SLC41A3: variants seen among roughly 807,000 people sequenced by gnomAD.
The protein encoded by SLC41A3 is SLC41A1-like 2.
Under a neutral mutation model 45.4 loss-of-function variants are expected in SLC41A3, and 44 were observed. The observed-to-expected ratio is 0.97, with a 90% CI of 0.76 to 1.25. SLC41A3 has a LOEUF of 1.25. Among genes scored for constraint, SLC41A3 ranks in the 50% most tolerant of loss-of-function variants. The probability of loss-of-function intolerance (pLI) is 0.00; values close to 1 mark genes in which losing one functional copy is unlikely to be tolerated. For synonymous variants in SLC41A3, 256 were observed against 252.4 expected (o/e 1.01, Z -0.13); for missense variants, 550 against 600.6 (o/e 0.92, Z 0.88).
At chr3:126,041,276 G>C (rs2107816064) in intron 3 of SLC41A3, among the ~76,000 whole-genome samples, 1 of 151,126 alleles carries the variant, frequency 6.6e-6, no homozygotes, top group Non-Finnish European at 1.5e-5. Flanking sequence ...TGGAGGGGGG[G>C]TGGGGGAATG....
chr3:126,076,315 C>T (rs1944877696), intron 1 of SLC41A3, among the ~76,000 whole-genome samples: 1 of 152,172 alleles, frequency 6.6e-6, no homozygotes, highest in African/African-American at 2.4e-5. Flanking sequence ...AAGCTTCATC[C>T]ATGTTGTTAC....
At chr3:126,065,529 T>C (rs1308041478) in intron 2 of SLC41A3, among the ~76,000 whole-genome samples, 1 of 152,156 alleles carries the variant, frequency 6.6e-6, no homozygotes, top group Non-Finnish European at 1.5e-5. Context: ...ATATATGCAA[T>C]GAAAAGAAAG....
Position 126,051,013 on chromosome 3 carries a change from G to T in SLC41A3, c.311C>A (p.Thr104Lys). 6.2e-7 allele frequency: 1 copy of T among 1,612,172 alleles called. No homozygotes were observed. Among genetic ancestry groups the T allele is most frequent in the Non-Finnish European group, 8.5e-7 (1 of 1,179,090 alleles). ...CAGGCCCACCAGGGGCGGCACCAATGTCAAAAGGTCTTTCACCTCCACAAA... is the reference window on the plus strand; with the variant it reads ...CAGGCCCACCAGGGGCGGCACCAATTTCAAAAGGTCTTTCACCTCCACAAA... ...PVFVEVKDLL[T>K]LVPPLVGLKG... Residue 104 changes from threonine to lysine, a missense_variant, in exon 3 of 11, where the codon ACA becomes AAA. By Grantham distance (78) the Thr-to-Lys change is moderately conservative. Transcript: ENST00000360370.
At chr3:126,101,247 G>A (rs945733493) in intron 1 of SLC41A3, among the ~76,000 whole-genome samples, 3 of 152,244 alleles carry the variant, frequency 2.0e-5, no homozygotes, top group African/African-American at 7.2e-5. Flanking sequence ...CAGATCATTT[G>A]CAGCCAGATC....
At chr3:126,055,381 G>A (rs949613555) in intron 2 of SLC41A3, among the ~76,000 whole-genome samples, 1 of 152,060 alleles carries the variant, frequency 6.6e-6, no homozygotes, top group Non-Finnish European at 1.5e-5. Flanking sequence ...TGGGCCTGGT[G>A]GCGGGCACCT....
chr3:126,050,851 C>T (rs1559858546), intron 3 of SLC41A3, 92 bp downstream of exon 3: 2 of 1,467,464 alleles, frequency 1.4e-6, no homozygotes, highest in Admixed American at 2.4e-5. Context: ...TTGGAGAATC[C>T]AACCCACCGC....
upstream of SLC41A3, among the ~76,000 whole-genome samples, chr3:126,086,426 T>G (rs867694125): frequency 0.054 from 7,759 of 143,358 alleles, 447 homozygotes; most frequent in Non-Finnish European, 0.073. Context: ...TTTTTTTTTT[T>G]TTTTTTTTTT....
intron 1 of SLC41A3, among the ~76,000 whole-genome samples, chr3:126,090,094 T>TTC (rs1347141167): frequency 6.6e-6 from 1 of 151,756 alleles, no homozygotes; most frequent in African/African-American, 2.4e-5. Flanking sequence ...AAATGTACCT[T>TTC]TCTCTCTAAG....
At chr3:126,082,696 A>C (rs1212412311) in intron 1 of SLC41A3, among the ~76,000 whole-genome samples, 1 of 152,180 alleles carries the variant, frequency 6.6e-6, no homozygotes, top group Non-Finnish European at 1.5e-5. Context: ...TTGGCCTTGG[A>C]CCCAGGCCTC....
rs1941966173 is a variant in SLC41A3, at chr3:126,033,596, T to G, written c.453+11A>C. 6.2e-7 allele frequency: 1 copy of G among 1,610,580 alleles called. No homozygotes were observed. The highest frequency in any genetic ancestry group is 1.3e-5 in the African/African-American group (1 of 74,852). ...ATTCAGAAGGGAGGGTCGGACAAGG[T>G]GAAGACTCACCTGGATGAGGGCCAG... On this transcript the variant is annotated intron_variant, in intron 4 of 10. Transcript: ENST00000360370.
intron 3 of SLC41A3, among the ~76,000 whole-genome samples, chr3:126,045,058 A>G (rs1475028978): frequency 1.3e-5 from 2 of 152,082 alleles, no homozygotes; most frequent in Non-Finnish European, 2.9e-5. Flanking sequence ...AAAAAATTCC[A>G]AAGTAAATTA....
At chr3:126,082,730 T>C (rs1189411601) in intron 1 of SLC41A3, among the ~76,000 whole-genome samples, 1 of 152,218 alleles carries the variant, frequency 6.6e-6, no homozygotes, top group East Asian at 1.9e-4. Flanking sequence ...AGCACCCCAG[T>C]GCGAACACAT....
At chr3:126,081,936 C>T (rs1235394540) in intron 1 of SLC41A3, among the ~76,000 whole-genome samples, 2 of 152,274 alleles carry the variant, frequency 1.3e-5, no homozygotes, top group East Asian at 3.8e-4. Flanking sequence ...ATGCTGGGAA[C>T]ACGTGTGCAG....
intron 4 of SLC41A3, among the ~76,000 whole-genome samples, chr3:126,031,669 C>A (rs984486373): frequency 6.6e-6 from 1 of 152,188 alleles, no homozygotes; most frequent in Non-Finnish European, 1.5e-5. Context: ...GGACTATACA[C>A]CAAGCCAGTG....
intron 2 of SLC41A3, among the ~76,000 whole-genome samples, chr3:126,052,952 C>T (rs548114058): frequency 5.3e-5 from 8 of 152,364 alleles, no homozygotes; most frequent in African/African-American, 9.6e-5. Flanking sequence ...GAAGCCTGGG[C>T]GGAAGACGGC....
At chr3:126,074,932 C>T (rs1944805778) in intron 1 of SLC41A3, among the ~76,000 whole-genome samples, 1 of 152,184 alleles carries the variant, frequency 6.6e-6, no homozygotes. Context: ...CCCACCTCAG[C>T]CTCCTGAGCA....
intron 4 of SLC41A3, among the ~76,000 whole-genome samples, chr3:126,032,814 T>A (rs1941900747): frequency 6.6e-6 from 1 of 152,180 alleles, no homozygotes; most frequent in African/African-American, 2.4e-5. Flanking sequence ...TGTTCAAGGC[T>A]ATCCAGTGGA....
At chr3:126,024,333 G>C (rs1379654457) in intron 5 of SLC41A3, 2 of 152,206 alleles carry the variant, frequency 1.3e-5, no homozygotes, top group Non-Finnish European at 2.9e-5. Flanking sequence ...AGACTGTGTT[G>C]TTTTCAGGAG....
intron 2 of SLC41A3, among the ~76,000 whole-genome samples, chr3:126,062,357 C>T (rs906695772): frequency 3.3e-5 from 5 of 152,254 alleles, no homozygotes; most frequent in African/African-American, 1.2e-4. Context: ...ACCAGCCTCT[C>T]AGACACAGTT....
Sources: gnomAD v4.1 joint callset for allele counts (sites outside exome capture counted in the v4.1 genomes callset) on GRCh38, gnomAD v4.1.1 for gene constraint, MANE v1.5 for transcripts, NCBI Gene and HGNC (gene_info 2026-07-23, HGNC 2026-07-21) for gene names.